The following RNF43 variants were observed in gnomAD, a reference collection of about 807,000 sequenced individuals.
RNF43 encodes the protein E3 ubiquitin-protein ligase RNF43.
In RNF43, 37 loss-of-function variants were observed where a neutral mutation model predicts 78.4. The ratio of observed to expected loss-of-function variants is 0.47; its 90% confidence interval spans 0.36 to 0.62. The LOEUF is 0.62. Ranked by LOEUF, RNF43 falls within the 20% of genes least tolerant of loss-of-function variation. The pLI is 0.00. For synonymous variants in RNF43, 347 were observed against 395.0 expected (o/e 0.88, Z 1.44); for missense variants, 774 against 1,007.9 (o/e 0.77, Z 3.14).
At chr17:58,387,231 G>A (rs955160387) in intron 2 of RNF43, among the ~76,000 whole-genome samples, 2 of 152,146 alleles carry the variant, frequency 1.3e-5, no homozygotes, top group African/African-American at 4.8e-5. Context: ...TCAGCCAAAA[G>A]GAATTGTCTG....
At chr17:58,355,049 C>T (rs979630761) in intron 9 of RNF43, 63 bp from the exon 10 acceptor site, 7 of 1,409,420 alleles carry the variant, frequency 5.0e-6, no homozygotes, top group South Asian at 2.3e-5. Context: ...CTGCTTCTCT[C>T]GCCTGCAGCA....
Position 58,358,721 on chromosome 17 carries a change from T to G in RNF43, c.1055A>C (p.His352Pro), listed in dbSNP as rs1598128128. The G allele has an allele frequency of 6.4e-7, 1 of 1,552,536 alleles. No homozygotes were observed. Among genetic ancestry groups the G allele is most frequent in the Non-Finnish European group, 8.7e-7 (1 of 1,147,422 alleles). ...IRQHPGHAHYHLPAAYLLGPS... is the reference protein window; with the variant it reads ...IRQHPGHAHYPLPAAYLLGPS... ...GCCCAACAGGTAGGCAGCAGGGAGGTGGTAGTGGGCATGGCCGGGATGCTG... is the reference window on the plus strand; with the variant it reads ...GCCCAACAGGTAGGCAGCAGGGAGGGGGTAGTGGGCATGGCCGGGATGCTG... Residue 352 changes from histidine to proline, a missense_variant, in exon 9 of 10, where the codon CAC becomes CCC. Physicochemically the swap from His to Pro is moderately conservative, Grantham distance 77 (BLOSUM62 -2). Coordinates refer to ENST00000407977, the MANE Select transcript of RNF43 (RefSeq NM_017763.6). This position sits in a 1 kb window ranked among gnomAD's most constrained non-coding sequence, Gnocchi z 6.2.
rs1247995300 is a variant in RNF43 at position 58,357,541 on chromosome 17, A to AGAAGGCCCCTCCCCAGGTGGATGT, written c.2211_2234dup (p.His738_Ser745dup). 4 of 1,614,104 alleles carry AGAAGGCCCCTCCCCAGGTGGATGT rather than the reference A, an allele frequency of 2.5e-6. No homozygotes were observed. The East Asian group carries it at 8.9e-5, about 36-fold the overall frequency. On this transcript the variant is annotated inframe_insertion, in exon 9 of 10. Transcript: ENST00000407977. This position sits in a 1 kb window ranked among gnomAD's most constrained non-coding sequence, Gnocchi z 4.5. ...CCTCTGCGGTGTCAGAACTCCATTC[A>AGAAGGCCCCTCCCCAGGTGGATGT]GAAGGCCCCTCCCCAGGTGGATGTG...
At chr17:58,416,912 T>G (rs1974138219) in intron 1 of RNF43, 105 bp downstream of exon 1, 1 of 152,190 alleles carries the variant, frequency 6.6e-6, no homozygotes, top group Non-Finnish European at 1.5e-5. Flanking sequence ...TCAGAATAAG[T>G]GCTGAAAAGC....
At chr17:58,355,981 G>A (rs1972677199) in intron 9 of RNF43, among the ~76,000 whole-genome samples, 2 of 149,830 alleles carry the variant, frequency 1.3e-5, no homozygotes, top group African/African-American at 5.1e-5. Context: ...GATTAGATGT[G>A]AAAGGCAAGA....
intron 9 of RNF43, among the ~76,000 whole-genome samples, chr17:58,356,448 AAG>A (rs1354197839): frequency 6.6e-6 from 1 of 152,174 alleles, no homozygotes; most frequent in Non-Finnish European, 1.5e-5. Context: ...CTGAATGGAA[AAG>A]AGAGATATGT....
At chr17:58,356,339 C>T (rs1184119510) in intron 9 of RNF43, among the ~76,000 whole-genome samples, 1 of 152,200 alleles carries the variant, frequency 6.6e-6, no homozygotes, top group East Asian at 1.9e-4. Flanking sequence ...ACCTTTGTGT[C>T]ACCTCCTGGG....
intron 2 of RNF43, among the ~76,000 whole-genome samples, chr17:58,384,906 G>A (rs1390973626): frequency 1.3e-5 from 2 of 152,214 alleles, no homozygotes; most frequent in Admixed American, 6.5e-5. Flanking sequence ...CTTGATTGCT[G>A]AATTTCCTCC....
Position 58,393,924 on chromosome 17 carries a change from C to T in RNF43, c.252+21402G>A, listed in dbSNP as rs555892648. On this transcript the variant is annotated intron_variant, in intron 2 of 9. Transcript: ENST00000407977. Reference sequence around the variant, plus strand: ...AAAAAAAATTAGCCAGGCGTGGTGGCGGGCACCTGTAGTCCCAGCTACTCG... The same window carrying T: ...AAAAAAAATTAGCCAGGCGTGGTGGTGGGCACCTGTAGTCCCAGCTACTCG... Among the ~76,000 whole-genome samples, 6 of 152,190 alleles carry T rather than the reference C, an allele frequency of 3.9e-5. No homozygotes were observed. In the East Asian group the frequency reaches 1.2e-3, roughly 29 times the overall value.
At chr17:58,404,038 T>C (rs1347209745) in intron 2 of RNF43, among the ~76,000 whole-genome samples, 1 of 152,198 alleles carries the variant, frequency 6.6e-6, no homozygotes, top group Non-Finnish European at 1.5e-5. Context: ...ACTACAGATA[T>C]TTTAAAATAT....
At position 58,393,776 on chromosome 17, in the gene RNF43, C is replaced by T. The variant is rs534891391; in HGVS notation, c.252+21550G>A. 9.2e-5 allele frequency among the ~76,000 whole-genome samples: 14 copies of T among 152,254 alleles called. No homozygotes were observed. The South Asian group carries it at 2.1e-3, about 23-fold the overall frequency. Reference sequence around the variant, plus strand: ...CTGAATAGAAACACAACTGGAGGGCCGGGCGCGGTGGCTCACGCCTGTAAT... The same window carrying T: ...CTGAATAGAAACACAACTGGAGGGCTGGGCGCGGTGGCTCACGCCTGTAAT... On this transcript the variant is annotated intron_variant, in intron 2 of 9. Transcript: ENST00000407977.
intron 2 of RNF43, among the ~76,000 whole-genome samples, chr17:58,402,408 C>T (rs1287522111): frequency 6.6e-6 from 1 of 152,210 alleles, no homozygotes; most frequent in Non-Finnish European, 1.5e-5. Flanking sequence ...AGGCATAATT[C>T]TGCCTAAATT....
At chr17:58,380,690 C>T (rs977499585) in intron 2 of RNF43, among the ~76,000 whole-genome samples, 10 of 152,196 alleles carry the variant, frequency 6.6e-5, no homozygotes, top group African/African-American at 2.4e-4. Flanking sequence ...TATTTAAATA[C>T]GCCAGAGGCC....
intron 2 of RNF43, among the ~76,000 whole-genome samples, chr17:58,394,235 T>C (rs1459887846): frequency 1.3e-5 from 2 of 152,192 alleles, no homozygotes; most frequent in Non-Finnish European, 2.9e-5. Context: ...TGTGAGTCAG[T>C]GGTAAGTTTG....
chr17:58,385,379 C>T (rs1482944964), intron 2 of RNF43, among the ~76,000 whole-genome samples: 1 of 152,178 alleles, frequency 6.6e-6, no homozygotes, highest in African/African-American at 2.4e-5. Flanking sequence ...TGCACTCCAC[C>T]CTAAGCCAAT....
rs143751144 is a variant in RNF43, at chr17:58,392,233, G to A, written c.253-21200C>T. On this transcript the variant is annotated intron_variant, in intron 2 of 9. Coordinates refer to ENST00000407977, the MANE Select transcript of RNF43 (RefSeq NM_017763.6). ...AATAATAGTGGATAAAGTAGGGAGA[G>A]CTAAGAAAATACCTCTTTATTGGGG... Among the ~76,000 whole-genome samples the A allele has an allele frequency of 3.3e-3, 507 of 152,292 alleles. 2 individuals are homozygous for A. Among genetic ancestry groups the A allele is most frequent in the African/African-American group, 0.012 (480 of 41,544 alleles).
rs1477037193 is a variant in RNF43 at position 58,363,111 on chromosome 17, C to CG, written c.582+163dup. ...TCATTCTGTAGGTGAGGCCCAAAGACGGGGGAAAACTTGCCCAGAGGCACA... is the reference window on the plus strand; with the variant it reads ...TCATTCTGTAGGTGAGGCCCAAAGACGGGGGGAAAACTTGCCCAGAGGCACA... On this transcript the variant is annotated intron_variant, in intron 5 of 9. Coordinates refer to ENST00000407977, the MANE Select transcript of RNF43 (RefSeq NM_017763.6). 5 of 784,920 alleles carry CG rather than the reference C, an allele frequency of 6.4e-6. No homozygotes were observed. The Admixed American group carries it at 8.4e-5, about 13-fold the overall frequency. The allele number at this position is 784,920 out of a possible 1,614,324, so 48.6% of individuals were successfully genotyped here.
chr17:58,380,508 C>T (rs1322710385), intron 2 of RNF43, among the ~76,000 whole-genome samples: 1 of 152,178 alleles, frequency 6.6e-6, no homozygotes, highest in Admixed American at 6.5e-5. Context: ...TGTTCCTGTT[C>T]CAGCCAAGCT....
At chr17:58,391,196 A>G (rs2143602334) in intron 2 of RNF43, among the ~76,000 whole-genome samples, 1 of 152,286 alleles carries the variant, frequency 6.6e-6, no homozygotes, top group South Asian at 2.1e-4. Flanking sequence ...TGGGACAAAT[A>G]AAAAGGGTGA....
Sources: allele counts gnomAD v4.1 joint callset (sites outside exome capture counted in the v4.1 genomes callset), GRCh38; gene constraint gnomAD v4.1.1; non-coding constraint Gnocchi (gnomAD v3.1); transcripts MANE v1.5; gene names NCBI Gene and HGNC (gene_info 2026-07-23, HGNC 2026-07-21).